The following RPRM variants were observed in gnomAD, a reference collection of about 807,000 sequenced individuals.
RPRM encodes the protein protein reprimo.
A neutral mutation model predicts 5.2 loss-of-function variants in RPRM; 3 were observed. That is an observed-to-expected ratio of 0.58 (90% CI 0.26 to 1.50). The LOEUF (loss-of-function observed/expected upper bound fraction) is 1.50. Among genes scored for constraint, RPRM ranks in the 40% most tolerant of loss-of-function variants. RPRM has a pLI of 0.13. For synonymous variants in RPRM, 70 were observed against 69.9 expected, an observed-to-expected ratio of 1.00 and a Z score of -0.01; for missense variants, 135 against 154.5, an observed-to-expected ratio of 0.87 and a Z score of 0.67.
Position 153,478,599 on chromosome 2 carries a change from G to A in RPRM, c.-34C>T. 6.7e-7 allele frequency: 1 copy of A among 1,494,446 alleles called. No individual in the cohort carries two copies. Among genetic ancestry groups the A allele is most frequent in the Non-Finnish European group, 8.9e-7 (1 of 1,121,368 alleles). 92.6% of individuals were successfully genotyped at this position (1,494,446 alleles called of 1,614,324 possible). A position where few individuals can be genotyped will look rare whatever the true frequency, so the allele number is the denominator to read the frequency against. ...CGGGCGGGCGCCGCGAGCGGCGCGGGTCCGAGGGGTGGGAAGGCGGCGGCG... is the reference window on the plus strand; with the variant it reads ...CGGGCGGGCGCCGCGAGCGGCGCGGATCCGAGGGGTGGGAAGGCGGCGGCG... On this transcript the variant is annotated 5_prime_UTR_variant, in exon 1 of 1. Transcript: ENST00000325926.
Position 153,478,590 on chromosome 2 carries a change from G to A in RPRM, c.-25C>T, listed in dbSNP as rs780919047. Reference sequence around the variant, plus strand: ...TCGCAGGAACGGGCGGGCGCCGCGAGCGGCGCGGGTCCGAGGGGTGGGAAG... The same window carrying A: ...TCGCAGGAACGGGCGGGCGCCGCGAACGGCGCGGGTCCGAGGGGTGGGAAG... On this transcript the variant is annotated 5_prime_UTR_variant, in exon 1 of 1. Transcript: ENST00000325926. 30 of 1,524,180 alleles carry A rather than the reference G, an allele frequency of 2.0e-5. No homozygotes were observed. Among genetic ancestry groups the A allele is most frequent in the Non-Finnish European group, 2.6e-5 (30 of 1,137,466 alleles). 94.4% of individuals were successfully genotyped at this position (1,524,180 alleles called of 1,614,324 possible).
At position 153,477,521 on chromosome 2, in the gene RPRM, G is replaced by A. The variant is rs944817781; in HGVS notation, c.*715C>T. 1 of 152,630 alleles carries A rather than the reference G, an allele frequency of 6.6e-6. No individual in the cohort carries two copies. Among genetic ancestry groups the A allele is most frequent in the African/African-American group, 2.4e-5 (1 of 41,524 alleles). The allele number at this position is 152,630 out of a possible 1,614,324, so 9.5% of individuals were successfully genotyped here. A position where few individuals can be genotyped will look rare whatever the true frequency, so the allele number is the denominator to read the frequency against. ...CGCTAGACGCCTCCCAAAAGACCCA[G>A]TGGGAAATGCACTAAAAGAAACAAC... On this transcript the variant is annotated 3_prime_UTR_variant, in exon 1 of 1. Transcript: ENST00000325926.
In RPRM at chr2:153,478,603, G is replaced by T. The variant is rs541947140; in HGVS notation, c.-38C>A. 11 of 1,485,952 alleles carry T rather than the reference G, an allele frequency of 7.4e-6. No homozygotes were observed. In the East Asian group the frequency reaches 2.1e-4, roughly 29 times the overall value. 92.0% of individuals were successfully genotyped at this position (1,485,952 alleles called of 1,614,324 possible). On this transcript the variant is annotated 5_prime_UTR_variant, in exon 1 of 1. Transcript: ENST00000325926. The stretch of plus-strand genomic sequence containing the variant: ...CGGGCGCCGCGAGCGGCGCGGGTCC[G>T]AGGGGTGGGAAGGCGGCGGCGCTGG...
At position 153,477,932 on chromosome 2, in the gene RPRM, C is replaced by T; in HGVS notation, c.*304G>A. On this transcript the variant is annotated 3_prime_UTR_variant, in exon 1 of 1. Coordinates refer to ENST00000325926, the MANE Select transcript of RPRM (RefSeq NM_019845.3). ...TGGCCCACCTGCGGGTGGAGAAGGG[C>T]CTTCGCACCGTCGGTCTCCCCGCAT... 1 of 411,882 alleles carries T rather than the reference C, an allele frequency of 2.4e-6. No individual in the cohort carries two copies. Among genetic ancestry groups the T allele is most frequent in the East Asian group, 4.5e-5 (1 of 22,136 alleles). 25.5% of individuals were successfully genotyped at this position (411,882 alleles called of 1,614,324 possible).
At position 153,478,696 on chromosome 2, in the gene RPRM, C is replaced by G. The variant is rs1261656807; in HGVS notation, c.-131G>C. On this transcript the variant is annotated 5_prime_UTR_variant, in exon 1 of 1. Coordinates refer to ENST00000325926, the MANE Select transcript of RPRM (RefSeq NM_019845.3). ...GTGCGAGGGCTCCTCGCTCTGCTTT[C>G]GAAAGTCCCTGGGCCGTGGGAGTTT... The G allele has an allele frequency of 3.9e-6, 3 of 761,486 alleles. No individual in the cohort carries two copies. The African/African-American group carries it at 5.4e-5, about 14-fold the overall frequency. The allele number at this position is 761,486 out of a possible 1,614,324, so 47.2% of individuals were successfully genotyped here.
chr2:153,478,598 G>C lies in RPRM; in HGVS notation c.-33C>G. 2 of 1,491,984 alleles carry C rather than the reference G, an allele frequency of 1.3e-6. No homozygotes were observed. Among genetic ancestry groups the C allele is most frequent in the Non-Finnish European group, 1.8e-6 (2 of 1,119,390 alleles). The allele number at this position is 1,491,984 out of a possible 1,614,324, so 92.4% of individuals were successfully genotyped here. A position where few individuals can be genotyped will look rare whatever the true frequency, so the allele number is the denominator to read the frequency against. On this transcript the variant is annotated 5_prime_UTR_variant, in exon 1 of 1. Transcript: ENST00000325926. ...ACGGGCGGGCGCCGCGAGCGGCGCG[G>C]GTCCGAGGGGTGGGAAGGCGGCGGC...
chr2:153,478,398 C>G lies in RPRM; in HGVS notation c.168G>C (p.Val56=). ...PDERSLYIMR[V]VQIAVMCVLS... is the part of the protein sequence containing the mutation. ...GCACGCACATGACCGCGATCTGCAC[C>G]ACGCGCATTATGTACAGGCTACGCT... The change falls in exon 1 of 1, where the codon GTG becomes GTC. Residue 56 remains valine, a synonymous_variant. Coordinates refer to ENST00000325926, the MANE Select transcript of RPRM (RefSeq NM_019845.3). The G allele has an allele frequency of 6.2e-7, 1 of 1,614,188 alleles. No individual in the cohort carries two copies.
chr2:153,477,381 A>G lies in RPRM; in HGVS notation c.*855T>C, dbSNP rs1254178624. The G allele has an allele frequency of 1.3e-5, 2 of 152,640 alleles. No individual in the cohort carries two copies. Among genetic ancestry groups the G allele is most frequent in the Non-Finnish European group, 2.9e-5 (2 of 68,066 alleles). The allele number at this position is 152,640 out of a possible 1,614,324, so 9.5% of individuals were successfully genotyped here. A position where few individuals can be genotyped will look rare whatever the true frequency, so the allele number is the denominator to read the frequency against. ...TTTATTAAGGAAATGTTAAATAAGA[A>G]AAAAACAAAAAGTCAAAACGGTGTC... On this transcript the variant is annotated 3_prime_UTR_variant, in exon 1 of 1. Transcript: ENST00000325926.
chr2:153,478,116 G>T lies in RPRM; in HGVS notation c.*120C>A. On this transcript the variant is annotated 3_prime_UTR_variant, in exon 1 of 1. Coordinates refer to ENST00000325926, the MANE Select transcript of RPRM (RefSeq NM_019845.3). ...GGTCGCTTCTTTCCGAAAGGCCGAA[G>T]TCGAGAGAAATAATTGACTCCGACA... 3.9e-6 allele frequency: 3 copies of T among 771,848 alleles called. No homozygotes were observed. Among genetic ancestry groups the T allele is most frequent in the Non-Finnish European group, 6.1e-6 (3 of 490,850 alleles). 47.8% of individuals were successfully genotyped at this position (771,848 alleles called of 1,614,324 possible). A position where few individuals can be genotyped will look rare whatever the true frequency, so the allele number is the denominator to read the frequency against.
Position 153,478,099 on chromosome 2 carries a change from C to G in RPRM, c.*137G>C. ...AGGGCGAGGGAGAAACCGGTCGCTT[C>G]TTTCCGAAAGGCCGAAGTCGAGAGA... is the stretch of plus-strand genomic sequence containing the variant. On this transcript the variant is annotated 3_prime_UTR_variant, in exon 1 of 1. Coordinates refer to ENST00000325926, the MANE Select transcript of RPRM (RefSeq NM_019845.3). 1.0e-4 allele frequency: 69 copies of G among 670,198 alleles called. No homozygotes were observed. Among genetic ancestry groups the G allele is most frequent in the East Asian group, 2.1e-4 (7 of 33,798 alleles). 41.5% of individuals were successfully genotyped at this position (670,198 alleles called of 1,614,324 possible). A position where few individuals can be genotyped will look rare whatever the true frequency, so the allele number is the denominator to read the frequency against.
rs1684169986 is a variant in RPRM, at chr2:153,477,377, A to C, written c.*859T>G. On this transcript the variant is annotated 3_prime_UTR_variant, in exon 1 of 1. Transcript: ENST00000325926. ...TGCATTTATTAAGGAAATGTTAAAT[A>C]AGAAAAAAACAAAAAGTCAAAACGG... The C allele has an allele frequency of 1.3e-5, 2 of 152,630 alleles. No individual in the cohort carries two copies. Among genetic ancestry groups the C allele is most frequent in the South Asian group, 2.1e-4 (1 of 4,830 alleles). The allele number at this position is 152,630 out of a possible 1,614,324, so 9.5% of individuals were successfully genotyped here.
In RPRM at chr2:153,478,219, C is replaced by T. The variant is rs1165080788; in HGVS notation, c.*17G>A. ...TGGGCAGGCGTGGGAGCGGTTGCCG[C>T]GGGGGCAGAGGGCGGGTCAGTAGGG... On this transcript the variant is annotated 3_prime_UTR_variant, in exon 1 of 1. Coordinates refer to ENST00000325926, the MANE Select transcript of RPRM (RefSeq NM_019845.3). The T allele has an allele frequency of 2.5e-6, 4 of 1,594,552 alleles. No homozygotes were observed. Among genetic ancestry groups the T allele is most frequent in the Non-Finnish European group, 3.4e-6 (4 of 1,169,198 alleles).
Position 153,477,776 on chromosome 2 carries a change from C to A in RPRM, c.*460G>T. 1 of 160,352 alleles carries A rather than the reference C, an allele frequency of 6.2e-6. No individual in the cohort carries two copies. Among genetic ancestry groups the A allele is most frequent in the Non-Finnish European group, 1.4e-5 (1 of 73,902 alleles). 9.9% of individuals were successfully genotyped at this position (160,352 alleles called of 1,614,324 possible). On this transcript the variant is annotated 3_prime_UTR_variant, in exon 1 of 1. Transcript: ENST00000325926. ...GGGGAGCAGGAGAAGAGTGGGAGCGCACCCGGACACGGATTTGTGAGACCC... is the reference window on the plus strand; with the variant it reads ...GGGGAGCAGGAGAAGAGTGGGAGCGAACCCGGACACGGATTTGTGAGACCC...
chr2:153,477,904 G>A lies in RPRM; in HGVS notation c.*332C>T. 5.8e-6 allele frequency: 2 copies of A among 341,884 alleles called. No individual in the cohort carries two copies. Among genetic ancestry groups the A allele is most frequent in the East Asian group, 6.1e-5 (1 of 16,350 alleles). The allele number at this position is 341,884 out of a possible 1,614,324, so 21.2% of individuals were successfully genotyped here. On this transcript the variant is annotated 3_prime_UTR_variant, in exon 1 of 1. Coordinates refer to ENST00000325926, the MANE Select transcript of RPRM (RefSeq NM_019845.3). ...CCCGCCCTCTCCACCTGCCCCCAGA[G>A]CTTGGCCCACCTGCGGGTGGAGAAG...
rs1479781049 is a variant in RPRM at position 153,478,501 on chromosome 2, G to T, written c.65C>A (p.Ala22Glu). The T allele has an allele frequency of 1.2e-6, 2 of 1,610,470 alleles. No individual in the cohort carries two copies. The highest frequency in any genetic ancestry group is 1.3e-5 in the African/African-American group (1 of 74,866). The change falls in exon 1 of 1, where the codon GCG becomes GAG. Residue 22 changes from alanine to glutamate, a missense_variant. Ala to Glu is a moderately radical substitution (Grantham distance 107). Transcript: ENST00000325926. The stretch of plus-strand genomic sequence containing the variant: ...GCAGCAGCGCACGGCTCGCTCCAGC[G>T]CCTCGCTGCTGTTGGCCAGGAACAG... ...AGLFLANSSEALERAVRCCTQ... is the reference protein window; with the variant it reads ...AGLFLANSSEELERAVRCCTQ...
rs1684171049 is a variant in RPRM, at chr2:153,477,450, G to C, written c.*786C>G. ...TTTGTGGCGTAAACCGTGCAGTCACGAGCTACGAGTTCTATTCTGGGTCTT... is the reference window on the plus strand; with the variant it reads ...TTTGTGGCGTAAACCGTGCAGTCACCAGCTACGAGTTCTATTCTGGGTCTT... On this transcript the variant is annotated 3_prime_UTR_variant, in exon 1 of 1. Transcript: ENST00000325926. 1 of 152,540 alleles carries C rather than the reference G, an allele frequency of 6.6e-6. No individual in the cohort carries two copies. The highest frequency in any genetic ancestry group is 2.1e-4 in the South Asian group (1 of 4,828). The allele number at this position is 152,540 out of a possible 1,614,324, so 9.4% of individuals were successfully genotyped here.
Position 153,478,224 on chromosome 2 carries a change from G to A in RPRM, c.*12C>T, listed in dbSNP as rs750514300. 9.4e-6 allele frequency: 15 copies of A among 1,599,096 alleles called. No homozygotes were observed. The Admixed American group carries it at 1.9e-4, about 20-fold the overall frequency. ...AGGCGTGGGAGCGGTTGCCGCGGGG[G>A]CAGAGGGCGGGTCAGTAGGGCCCCA... On this transcript the variant is annotated 3_prime_UTR_variant, in exon 1 of 1. Coordinates refer to ENST00000325926, the MANE Select transcript of RPRM (RefSeq NM_019845.3).
In RPRM at chr2:153,478,479, G is replaced by A. The variant is rs778700846; in HGVS notation, c.87C>T (p.Cys29=). The A allele has an allele frequency of 6.2e-7, 1 of 1,613,156 alleles. No homozygotes were observed. Among genetic ancestry groups the A allele is most frequent in the Non-Finnish European group, 8.5e-7 (1 of 1,179,786 alleles). Residue 29 remains cysteine, a synonymous_variant, in exon 1 of 1, where the codon TGC becomes TGT. Transcript: ENST00000325926. ...CGGTCACCACGGACGCCTGGGTGCAGCAGCGCACGGCTCGCTCCAGCGCCT... is the reference window on the plus strand; with the variant it reads ...CGGTCACCACGGACGCCTGGGTGCAACAGCGCACGGCTCGCTCCAGCGCCT... ...SSEALERAVR[C]CTQASVVTDD...
At position 153,478,458 on chromosome 2, in the gene RPRM, C is replaced by T; in HGVS notation, c.108G>A (p.Val36=). ...AVRCCTQASV[V]TDDGFAEGGP... ...CTCCCTCCGCGAAGCCGTCGTCGGTCACCACGGACGCCTGGGTGCAGCAGC... is the reference window on the plus strand; with the variant it reads ...CTCCCTCCGCGAAGCCGTCGTCGGTTACCACGGACGCCTGGGTGCAGCAGC... Residue 36 remains valine (V), a synonymous_variant, in exon 1 of 1, where the codon GTG becomes GTA. Coordinates refer to ENST00000325926, the MANE Select transcript of RPRM (RefSeq NM_019845.3). 6.2e-7 allele frequency: 1 copy of T among 1,613,758 alleles called. No homozygotes were observed. The highest frequency in any genetic ancestry group is 8.5e-7 in the Non-Finnish European group (1 of 1,179,984).
Sources: allele counts gnomAD v4.1 joint callset, GRCh38; gene constraint gnomAD v4.1.1; transcripts MANE v1.5; gene names NCBI Gene and HGNC (gene_info 2026-07-23, HGNC 2026-07-21).